The following MPHOSPH10 variants were observed in gnomAD, a reference collection of about 807,000 sequenced individuals.
MPHOSPH10 encodes M-phase phosphoprotein 10.
A neutral mutation model predicts 77.3 loss-of-function variants in MPHOSPH10; 33 were observed. The ratio of observed to expected loss-of-function variants is 0.43; its 90% CI spans 0.32 to 0.57. MPHOSPH10 has a LOEUF of 0.57. MPHOSPH10 is among the 20% of genes least tolerant of loss of function. MPHOSPH10 has a pLI of 0.07. For synonymous variants in MPHOSPH10, 245 were observed against 268.0 expected, an observed-to-expected ratio of 0.91 and a Z score of 0.84; for missense variants, 708 against 780.1, an observed-to-expected ratio of 0.91 and a Z score of 1.10.
rs367973275 is a variant in MPHOSPH10, at chr2:71,134,023, G to A, written c.844G>A (p.Val282Ile). The A allele has an allele frequency of 2.3e-5, 37 of 1,609,378 alleles. No individual in the cohort carries two copies. Among genetic ancestry groups the A allele is most frequent in the Non-Finnish European group, 3.1e-5 (36 of 1,177,518 alleles). The change falls in exon 3 of 11, where the codon GTT (valine) becomes ATT (isoleucine). Residue 282 changes from valine (V) to isoleucine (I), a missense_variant. Physicochemically the swap from Val to Ile is conservative, Grantham distance 29. This residue lies in a region of MPHOSPH10 where 433 missense variants were observed against 432.6 expected (regional missense o/e 1.00). Coordinates refer to ENST00000244230, the MANE Select transcript of MPHOSPH10 (RefSeq NM_005791.3). ...PVESDEDITN[V>I]HDDELDSNKE... ...TGAAAGTGATGAAGACATAACAAAT[G>A]TTCATGATGATGAGCTGGATTCAAA...
chr2:71,144,405 C>T, intron 7 of MPHOSPH10, 23 bp from the exon 8 acceptor site: 1 of 1,558,514 alleles, frequency 6.4e-7, no homozygotes, highest in South Asian at 1.1e-5. Context: ...CTTAGTTTGA[C>T]ATTGTTGAAC....
chr2:71,138,383 G>A, intron 4 of MPHOSPH10, 107 bp from the exon 5 acceptor site: 1 of 888,152 alleles, frequency 1.1e-6, no homozygotes, highest in Non-Finnish European at 1.7e-6. Context: ...CAGAATCGTA[G>A]AACAGTACGT....
chr2:71,139,034 C>G, intron 5 of MPHOSPH10: 1 of 416,058 alleles, frequency 2.4e-6, no homozygotes, highest in Non-Finnish European at 4.3e-6. Flanking sequence ...CAGAGCGACA[C>G]TCTGTCAAAA....
At chr2:71,136,365 G>T (rs1673489260) in intron 4 of MPHOSPH10, among the ~76,000 whole-genome samples, 1 of 152,052 alleles carries the variant, frequency 6.6e-6, no homozygotes. Context: ...GATTAAAAAA[G>T]TTAGCTGGGA....
chr2:71,148,045 T>G lies in MPHOSPH10; in HGVS notation c.1604T>G (p.Met535Arg). 2 of 1,614,070 alleles carry G rather than the reference T, an allele frequency of 1.2e-6. No individual in the cohort carries two copies. The highest frequency in any genetic ancestry group is 1.7e-6 in the Non-Finnish European group (2 of 1,179,964). The change falls in exon 9 of 11, where the codon ATG becomes AGG. Residue 535 changes from methionine to arginine, a missense_variant. Coordinates refer to ENST00000244230, the MANE Select transcript of MPHOSPH10 (RefSeq NM_005791.3). ...KVVSNLPAIT[M>R]EEVAPVSVSD... ...GTGTCAAATCTGCCAGCCATAACCA[T>G]GGAGGAAGTAGCCCCAGTGAGTGTT...
At chr2:71,146,629 T>G (rs930165300) in intron 8 of MPHOSPH10, among the ~76,000 whole-genome samples, 2 of 152,120 alleles carry the variant, frequency 1.3e-5, no homozygotes, top group African/African-American at 4.8e-5. Flanking sequence ...TGAGTTACCG[T>G]GCCCAGCATT....
At chr2:71,131,110 C>A (rs938453711) in intron 1 of MPHOSPH10, among the ~76,000 whole-genome samples, 2 of 152,160 alleles carry the variant, frequency 1.3e-5, no homozygotes, top group Admixed American at 1.3e-4. Context: ...ATTGAAAGTA[C>A]GAACTTGTCA....
chr2:71,133,882 C>T, intron 2 of MPHOSPH10, 66 bp from the exon 3 acceptor site: 2 of 1,091,916 alleles, frequency 1.8e-6, no homozygotes, highest in Non-Finnish European at 1.3e-6. Flanking sequence ...ACATGCAAAT[C>T]TATATGCATG....
Position 71,133,481 on chromosome 2 carries a change from GATGATA to G in MPHOSPH10, c.679_684del (p.Asn227_Asp228del), listed in dbSNP as rs1284431733. ...CATAGAAAAAGAAGAGGAACGAAAA[GATGATA>G]ATGATGAGGAGGAGGAAGATATTGA... is the stretch of plus-strand genomic sequence containing the variant. On this transcript the variant is annotated inframe_deletion, in exon 2 of 11. Coordinates refer to ENST00000244230, the MANE Select transcript of MPHOSPH10 (RefSeq NM_005791.3). 1 of 1,613,338 alleles carries G rather than the reference GATGATA, an allele frequency of 6.2e-7. No individual in the cohort carries two copies. The highest frequency in any genetic ancestry group is 1.3e-5 in the African/African-American group (1 of 74,950).
intron 10 of MPHOSPH10, 120 bp downstream of exon 10, chr2:71,149,573 G>T: frequency 1.1e-6 from 1 of 943,074 alleles, no homozygotes; most frequent in Non-Finnish European, 1.6e-6. Flanking sequence ...AGAGATGCAT[G>T]ATGCTGACTG....
At chr2:71,144,228 C>A (rs1274590012) in intron 7 of MPHOSPH10, 200 bp from the exon 8 acceptor site, 3 of 488,626 alleles carry the variant, frequency 6.1e-6, no homozygotes, top group African/African-American at 6.0e-5. Flanking sequence ...GTTACTGTAG[C>A]TCCTAAAATG....
chr2:71,145,142 C>T (rs1300214714), intron 8 of MPHOSPH10, among the ~76,000 whole-genome samples: 1 of 152,216 alleles, frequency 6.6e-6, no homozygotes, highest in Non-Finnish European at 1.5e-5. Flanking sequence ...GTCTGTCTGT[C>T]ACCCAGACTT....
intron 7 of MPHOSPH10, among the ~76,000 whole-genome samples, chr2:71,143,631 C>A (rs1373399480): frequency 6.6e-6 from 1 of 152,098 alleles, no homozygotes; most frequent in Non-Finnish European, 1.5e-5. Flanking sequence ...CCTCACTTGC[C>A]CCAGCCCCAA....
intron 6 of MPHOSPH10, among the ~76,000 whole-genome samples, chr2:71,140,187 T>C (rs1222405515): frequency 6.6e-6 from 1 of 152,176 alleles, no homozygotes; most frequent in Admixed American, 6.5e-5. Context: ...CAGTATCTGG[T>C]GTGGTAAATT....
At chr2:71,140,938 C>T (rs1385185625) in intron 6 of MPHOSPH10, among the ~76,000 whole-genome samples, 1 of 152,034 alleles carries the variant, frequency 6.6e-6, no homozygotes, top group Admixed American at 6.5e-5. Flanking sequence ...TCATTTAAAA[C>T]AGAAAAAGAT....
chr2:71,133,021 T>C lies in MPHOSPH10; in HGVS notation c.213T>C (p.Phe71=). 1 of 1,614,120 alleles carries C rather than the reference T, an allele frequency of 6.2e-7. No homozygotes were observed. Among genetic ancestry groups the C allele is most frequent in the Non-Finnish European group, 8.5e-7 (1 of 1,180,004 alleles). The change falls in exon 2 of 11, where the codon TTT becomes TTC. Residue 71 remains phenylalanine, a synonymous_variant. Transcript: ENST00000244230. ...TGCAAAAACTTGTGATAGAAAATTTTGATGATGAGCAGATTTGGCAACAAC... is the reference window on the plus strand; with the variant it reads ...TGCAAAAACTTGTGATAGAAAATTTCGATGATGAGCAGATTTGGCAACAAC... ...SPLQKLVIEN[F]DDEQIWQQLE...
chr2:71,140,364 G>A (rs141721219), intron 6 of MPHOSPH10, among the ~76,000 whole-genome samples: 15 of 152,322 alleles, frequency 9.8e-5, no homozygotes, highest in Non-Finnish European at 2.1e-4. Context: ...GCATCACATG[G>A]TGAAAGGGCT....
intron 8 of MPHOSPH10, among the ~76,000 whole-genome samples, chr2:71,145,474 C>A (rs542372463): frequency 6.7e-6 from 1 of 149,646 alleles, no homozygotes; most frequent in African/African-American, 2.5e-5. Context: ...AGACAGTAAG[C>A]TTTTTTAACC....
intron 5 of MPHOSPH10, 74 bp downstream of exon 5, chr2:71,138,705 G>A: frequency 6.3e-7 from 1 of 1,589,830 alleles, no homozygotes; most frequent in Non-Finnish European, 8.6e-7. Flanking sequence ...GATTTGGGGT[G>A]GTGTTTCTTT....
Sources: allele counts gnomAD v4.1 joint callset (sites outside exome capture counted in the v4.1 genomes callset), GRCh38; gene constraint gnomAD v4.1.1; regional missense constraint gnomAD v4.1.1; transcripts MANE v1.5; gene names NCBI Gene and HGNC (gene_info 2026-07-23, HGNC 2026-07-21).